Variants in CARNMT1 observed in about 807,000 individuals in gnomAD.
CARNMT1 encodes carnosine N-methyltransferase 1, also known as protein-L-histidine N-pros-methyltransferase CARNMT1.
In CARNMT1, 28 loss-of-function variants were observed where a neutral mutation model predicts 49.6. The observed-to-expected ratio is 0.56, with a 90% CI of 0.42 to 0.77. The LOEUF (loss-of-function observed/expected upper bound fraction) is 0.77. Ranked by LOEUF, CARNMT1 falls within the 30% of genes least tolerant of loss-of-function variation. The pLI, the probability that CARNMT1 is intolerant of heterozygous loss-of-function variation, is 0.00. For missense variants in CARNMT1, 421 were observed against 512.6 expected (o/e 0.82, Z 1.73); for synonymous variants, 178 against 175.0 (o/e 1.02, Z -0.13).
At chr9:75,028,417 G>C, upstream of CARNMT1, 2 of 1,288,312 alleles carry the variant, frequency 1.6e-6, no homozygotes, top group Non-Finnish European at 2.0e-6. Flanking sequence ...CAGGTCTTCA[G>C]GGCTCCCAGA....
intron 5 of CARNMT1, among the ~76,000 whole-genome samples, chr9:74,997,559 G>C (rs779714339): frequency 6.6e-6 from 1 of 151,964 alleles, no homozygotes; most frequent in South Asian, 2.1e-4. Context: ...TCCTTGAGCA[G>C]AGCAAGCACT....
At chr9:75,003,179 T>C (rs1449860093) in intron 3 of CARNMT1, among the ~76,000 whole-genome samples, 4 of 152,224 alleles carry the variant, frequency 2.6e-5, no homozygotes, top group Admixed American at 2.0e-4. Context: ...AGACTTTCTT[T>C]AGAGCTCTTA....
chr9:75,026,354 A>G (rs1822529571), intron 1 of CARNMT1, among the ~76,000 whole-genome samples: 1 of 152,248 alleles, frequency 6.6e-6, no homozygotes, highest in Non-Finnish European at 1.5e-5. Context: ...CTAATATATT[A>G]AAAGTAAGTA....
chr9:75,013,544 T>G (rs1311016226), intron 3 of CARNMT1, among the ~76,000 whole-genome samples: 1 of 150,968 alleles, frequency 6.6e-6, no homozygotes, highest in Non-Finnish European at 1.5e-5. Flanking sequence ...CTATGATACA[T>G]CCAAATAACA....
intron 1 of CARNMT1, among the ~76,000 whole-genome samples, chr9:75,027,738 T>C (rs979395421): frequency 1.3e-5 from 2 of 152,150 alleles, no homozygotes; most frequent in Non-Finnish European, 2.9e-5. Context: ...AAGCCAAACC[T>C]TTACGAGGAC....
At chr9:74,997,115 T>C (rs1475758979) in intron 5 of CARNMT1, among the ~76,000 whole-genome samples, 1 of 151,984 alleles carries the variant, frequency 6.6e-6, no homozygotes, top group African/African-American at 2.4e-5. Flanking sequence ...CTCTAGGAGG[T>C]ATGGTGTCTA....
chr9:75,022,025 G>T (rs1007032558), intron 1 of CARNMT1, among the ~76,000 whole-genome samples: 1 of 151,866 alleles, frequency 6.6e-6, no homozygotes, highest in Non-Finnish European at 1.5e-5. Context: ...TATATTTGTG[G>T]GGTACAAAGT....
At chr9:74,998,801 G>T in intron 4 of CARNMT1, 25 bp from the exon 5 acceptor site, 1 of 1,386,208 alleles carries the variant, frequency 7.2e-7, no homozygotes, top group Non-Finnish European at 9.6e-7. Flanking sequence ...TATAAAATCA[G>T]GTGTTAACTA....
intron 3 of CARNMT1, among the ~76,000 whole-genome samples, chr9:75,010,594 CA>C (rs1162610376): frequency 1.3e-5 from 2 of 152,034 alleles, no homozygotes; most frequent in Non-Finnish European, 2.9e-5. Flanking sequence ...TGATACTTAA[CA>C]TACATGTAAC....
chr9:75,016,029 G>T, intron 3 of CARNMT1: 1 of 342,688 alleles, frequency 2.9e-6, no homozygotes, highest in Non-Finnish European at 5.3e-6. Flanking sequence ...GATAATTTTC[G>T]ACCTAACCTT....
At chr9:74,991,865 T>C (rs1394620320) in intron 6 of CARNMT1, among the ~76,000 whole-genome samples, 2 of 152,192 alleles carry the variant, frequency 1.3e-5, no homozygotes, top group African/African-American at 4.8e-5. Flanking sequence ...CCCAGTAACA[T>C]GCCTGCCATT....
intron 3 of CARNMT1, among the ~76,000 whole-genome samples, chr9:75,007,803 C>T (rs1833562223): frequency 6.7e-6 from 1 of 150,352 alleles, no homozygotes; most frequent in African/African-American, 2.4e-5. Context: ...ACGAAAGTCC[C>T]ACAGCTACTC....
At chr9:74,992,028 T>A (rs759156530) in intron 6 of CARNMT1, among the ~76,000 whole-genome samples, 1 of 152,156 alleles carries the variant, frequency 6.6e-6, no homozygotes, top group South Asian at 2.1e-4. Flanking sequence ...TCCCAGCACT[T>A]TGGGAGGCTG....
chr9:75,023,798 C>G (rs1822446328), intron 1 of CARNMT1, among the ~76,000 whole-genome samples: 2 of 152,182 alleles, frequency 1.3e-5, no homozygotes, highest in Admixed American at 1.3e-4. Flanking sequence ...CATTCAAGGG[C>G]AGAGTTGATG....
At chr9:75,013,223 T>G (rs1040136178) in intron 3 of CARNMT1, among the ~76,000 whole-genome samples, 1 of 152,162 alleles carries the variant, frequency 6.6e-6, no homozygotes, top group African/African-American at 2.4e-5. Context: ...ATGGTGCAAT[T>G]AAGTGCCAAC....
In CARNMT1 at chr9:75,028,140, G is replaced by A. The variant is rs1243927411; in HGVS notation, c.102C>T (p.Ala34=). 4 of 1,547,984 alleles carry A rather than the reference G, an allele frequency of 2.6e-6. No individual in the cohort carries two copies. The highest frequency in any genetic ancestry group is 1.9e-5 in the Admixed American group (1 of 52,366). ...CCGCCGCGGCCGAGCCCCAACGCCC[G>A]GCGGAAAACTGCACTTCCACCTCCT... is the stretch of plus-strand genomic sequence containing the variant. ...GSEEVEVQFS[A]GRWGSAAAVS... The change falls in exon 1 of 8, where the codon GCC becomes GCT. Residue 34 remains alanine, a synonymous_variant. Coordinates refer to ENST00000376834, the MANE Select transcript of CARNMT1 (RefSeq NM_152420.3).
At chr9:75,020,741 C>G (rs72732932) in intron 1 of CARNMT1, among the ~76,000 whole-genome samples, 1 of 152,090 alleles carries the variant, frequency 6.6e-6, no homozygotes, top group Non-Finnish European at 1.5e-5. Flanking sequence ...CCTGGCTGGT[C>G]GCGTTTTTAC....
intron 3 of CARNMT1, among the ~76,000 whole-genome samples, 187 bp from the exon 4 acceptor site, chr9:75,000,057 C>T (rs1001360564): frequency 1.3e-5 from 2 of 152,006 alleles, no homozygotes; most frequent in Non-Finnish European, 2.9e-5. Context: ...ATGTATGTTC[C>T]GATATCAGAT....
chr9:74,996,475 G>A lies in CARNMT1; in HGVS notation c.996C>T (p.Leu332=). Residue 332 remains leucine (L), a synonymous_variant, in exon 6 of 8, where the codon CTC becomes CTT. Transcript: ENST00000376834. ...GATTTATCCAAATTCCACCTGGCTT[G>A]AGTATTTTCCATATTGTATCAATAT... The part of the protein sequence containing the change: ...IDYIDTIWKI[L]KPGGIWINLG... 6.2e-7 allele frequency: 1 copy of A among 1,601,874 alleles called. No individual in the cohort carries two copies. Among genetic ancestry groups the A allele is most frequent in the Non-Finnish European group, 8.5e-7 (1 of 1,175,064 alleles).
Sources: allele counts gnomAD v4.1 joint callset (sites outside exome capture counted in the v4.1 genomes callset), GRCh38; gene constraint gnomAD v4.1.1; transcripts MANE v1.5; gene names NCBI Gene and HGNC (gene_info 2026-07-23, HGNC 2026-07-21).